Variants in RFC5 observed in about 807,000 individuals in gnomAD.
RFC5 encodes A1 36 kDa subunit.
RFC5 carries 26 observed loss-of-function variants against 44.3 expected under a neutral mutation model. The ratio of observed to expected loss-of-function variants is 0.59; its 90% confidence interval spans 0.43 to 0.81. The LOEUF (loss-of-function observed/expected upper bound fraction) is 0.81. RFC5 is among the 40% of genes least tolerant of loss of function. The pLI is 0.00. For synonymous variants in RFC5, 155 were observed against 155.2 expected (o/e 1.00, Z 0.01); for missense variants, 328 against 418.6 (o/e 0.78, Z 1.89).
At chr12:118,020,286 C>T (rs1240923113) in intron 3 of RFC5, among the ~76,000 whole-genome samples, 1 of 152,208 alleles carries the variant, frequency 6.6e-6, no homozygotes, top group Non-Finnish European at 1.5e-5. Context: ...ACCTTTCCTG[C>T]AGCCCTCTCC....
intron 1 of RFC5, chr12:118,018,085 G>C: frequency 1.4e-6 from 1 of 690,898 alleles, no homozygotes; most frequent in South Asian, 1.6e-5. Flanking sequence ...GTGGCCTTTT[G>C]TGTCTGGTTT....
chr12:118,025,086 A>G (rs1306193960), intron 6 of RFC5, 76 bp downstream of exon 6: 1 of 1,441,014 alleles, frequency 6.9e-7, no homozygotes, highest in East Asian at 2.3e-5. Flanking sequence ...GTTCGTATGT[A>G]GAGGAGAGGA....
At position 118,028,008 on chromosome 12, in the gene RFC5, G is replaced by A. The variant is rs1450752415; in HGVS notation, c.849G>A (p.Glu283=). 3.7e-6 allele frequency: 6 copies of A among 1,608,490 alleles called. No individual in the cohort carries two copies. The highest frequency in any genetic ancestry group is 5.1e-6 in the Non-Finnish European group (6 of 1,175,438). The change falls in exon 9 of 11, where the codon GAG becomes GAA. Residue 283 remains glutamate, a synonymous_variant. Transcript: ENST00000454402. ...KGLALHDILT[E]IHLFVHRVDF... ...TGGCACTGCATGATATCCTGACAGAGATACACTTGTTTGTGCATAGAGGTA... is the reference window on the plus strand; with the variant it reads ...TGGCACTGCATGATATCCTGACAGAAATACACTTGTTTGTGCATAGAGGTA...
downstream of RFC5, chr12:118,035,366 C>T (rs1458865155): frequency 6.4e-7 from 1 of 1,561,644 alleles, no homozygotes; most frequent in Non-Finnish European, 8.8e-7. Context: ...GGAGTGATGG[C>T]TGCTCTCCAC....
chr12:118,021,397 G>A (rs2030480456), intron 4 of RFC5, among the ~76,000 whole-genome samples: 1 of 151,982 alleles, frequency 6.6e-6, no homozygotes, highest in Non-Finnish European at 1.5e-5. Context: ...TTTTTTAGTA[G>A]ACATGGGGTT....
chr12:118,028,056 G>A lies in RFC5; in HGVS notation c.871+26G>A, dbSNP rs559243925. 169 of 1,443,340 alleles carry A rather than the reference G, an allele frequency of 1.2e-4. 2 individuals carry two copies. In the South Asian group the frequency reaches 1.2e-3, roughly 10 times the overall value. 89.4% of individuals were successfully genotyped at this position (1,443,340 alleles called of 1,614,324 possible). On this transcript the variant is annotated intron_variant, in intron 9 of 10. Transcript: ENST00000454402. ...GTAACTTACATTATCCCCCAGCTGA[G>A]AAGCTGTGGAGAAGGTAGCCTGCTT...
intron 5 of RFC5, among the ~76,000 whole-genome samples, chr12:118,024,019 C>T (rs1239706414): frequency 2.0e-5 from 3 of 151,884 alleles, no homozygotes; most frequent in African/African-American, 7.3e-5. Flanking sequence ...GAGTTCGAGA[C>T]CAGCCTGGCT....
At chr12:118,021,490 T>G (rs5745823) in intron 4 of RFC5, among the ~76,000 whole-genome samples, 115,439 of 151,950 alleles carry the variant, frequency 0.76, 44,414 homozygotes, top group African/African-American at 0.87. Flanking sequence ...TGGGATTACA[T>G]ACGTGAGCCC....
Position 118,024,952 on chromosome 12 carries a change from G to A in RFC5, c.523G>A (p.Gly175Ser), listed in dbSNP as rs764564255. Residue 175 changes from glycine to serine, a missense_variant, in exon 6 of 11, where the codon GGT (glycine) becomes AGT (serine). Gly to Ser is a moderately conservative substitution (Grantham distance 56). Coordinates refer to ENST00000454402, the MANE Select transcript of RFC5 (RefSeq NM_007370.7). Reference sequence around the variant, plus strand: ...GTCCCGCTGCACGAGGTTTCGGTTCGGTCCCCTGACTCCTGAACTCATGGT... The same window carrying A: ...GTCCCGCTGCACGAGGTTTCGGTTCAGTCCCCTGACTCCTGAACTCATGGT... ...LQSRCTRFRFGPLTPELMVPR... is the reference protein window; with the variant it reads ...LQSRCTRFRFSPLTPELMVPR... 133 of 1,613,930 alleles carry A rather than the reference G, an allele frequency of 8.2e-5. No individual in the cohort carries two copies. Among genetic ancestry groups the A allele is most frequent in the South Asian group, 2.5e-4 (23 of 91,086 alleles).
At chr12:118,034,943 C>CA (rs772928065), downstream of RFC5, 2 of 1,580,778 alleles carry the variant, frequency 1.3e-6, no homozygotes, top group Non-Finnish European at 1.7e-6. Flanking sequence ...ATGGTATACT[C>CA]AGCAGAAAGC....
At chr12:118,036,301 C>A, downstream of RFC5, 1 of 1,596,936 alleles carries the variant, frequency 6.3e-7, no homozygotes, top group Non-Finnish European at 8.6e-7. Flanking sequence ...TCATCAGTCC[C>A]CCCACAAAAA....
At chr12:118,021,046 ATTTT>A in intron 4 of RFC5, 61 bp downstream of exon 4, 1 of 1,049,892 alleles carries the variant, frequency 9.5e-7, no homozygotes, top group Non-Finnish European at 1.5e-6. Flanking sequence ...ATATGGGTTA[ATTTT>A]TTAATCCTCT....
downstream of RFC5, chr12:118,035,305 C>A (rs781441613): frequency 7.4e-6 from 12 of 1,613,974 alleles, no homozygotes; most frequent in Middle Eastern, 1.7e-4. Flanking sequence ...TCATCCATGG[C>A]GGGGTCAACC....
intron 10 of RFC5, 116 bp downstream of exon 10, chr12:118,029,941 C>A: frequency 1.3e-6 from 1 of 778,644 alleles, no homozygotes. Context: ...ACATACGGTA[C>A]AATCTAGTCT....
downstream of RFC5, among the ~76,000 whole-genome samples, chr12:118,037,268 G>A (rs1486603194): frequency 6.6e-6 from 1 of 152,212 alleles, no homozygotes; most frequent in Admixed American, 6.5e-5. Context: ...CCCCCACCTT[G>A]TGTATGGAAC....
chr12:118,034,574 G>GCGCTCTCTCTCTCTCTCTCTCTCT (rs1555267392), downstream of RFC5: 6 of 529,496 alleles, frequency 1.1e-5, no homozygotes, highest in Admixed American at 1.5e-4. Context: ...ATACCAAAGC[G>GCGCTCTCTCTCTCTCTCTCTCTCT]CTCTCTCTGT....
chr12:118,017,006 C>A, intron 1 of RFC5, 114 bp downstream of exon 1: 1 of 831,778 alleles, frequency 1.2e-6, no homozygotes, highest in Non-Finnish European at 2.0e-6. Context: ...CCCGTCGTCT[C>A]CAGGCCTGCA....
chr12:118,032,754 G>GC (rs1408741292), downstream of RFC5: 1 of 151,864 alleles, frequency 6.6e-6, no homozygotes, highest in Non-Finnish European at 1.5e-5. Flanking sequence ...TGTTGCCCAG[G>GC]CTGATCTTGA....
chr12:118,018,370 C>T (rs2030245978), intron 1 of RFC5, among the ~76,000 whole-genome samples: 1 of 152,158 alleles, frequency 6.6e-6, no homozygotes, highest in South Asian at 2.1e-4. Context: ...GGGCCAGATA[C>T]TCTGGGTGGG....
Sources: gnomAD v4.1 joint callset for allele counts (sites outside exome capture counted in the v4.1 genomes callset) on GRCh38, gnomAD v4.1.1 for gene constraint, MANE v1.5 for transcripts, NCBI Gene and HGNC (gene_info 2026-07-23, HGNC 2026-07-21) for gene names.